ADAMTS9: variants seen among roughly 807,000 people sequenced by gnomAD.
ADAMTS9 encodes A disintegrin and metalloproteinase with thrombospondin motifs 9.
In ADAMTS9, 107 loss-of-function variants were observed where a neutral mutation model predicts 257.1. The ratio of observed to expected loss-of-function variants is 0.42; its 90% confidence interval spans 0.36 to 0.49. The LOEUF is 0.49. Ranked by LOEUF, ADAMTS9 falls within the 20% of genes least tolerant of loss-of-function variation. The probability of loss-of-function intolerance (pLI) is 0.03; values close to 1 mark genes in which losing one functional copy is unlikely to be tolerated. For missense variants in ADAMTS9, 2,353 were observed against 2,469.1 expected, an observed-to-expected ratio of 0.95 and a Z score of 1.00; for synonymous variants, 982 against 880.9, an observed-to-expected ratio of 1.11 and a Z score of -2.03.
Position 64,633,746 on chromosome 3 carries a change from T to C in ADAMTS9, c.1990A>G (p.Ile664Val). 1 of 1,613,800 alleles carries C rather than the reference T, an allele frequency of 6.2e-7. No individual in the cohort carries two copies. The highest frequency in any genetic ancestry group is 8.5e-7 in the Non-Finnish European group (1 of 1,179,984). The change falls in exon 13 of 40, where the codon ATC becomes GTC. Residue 664 changes from isoleucine to valine, a missense_variant. Ile to Val is a conservative substitution (Grantham distance 29). Coordinates refer to ENST00000498707, the MANE Select transcript of ADAMTS9 (RefSeq NM_182920.2). ...CAHFDGKHFNINGLLPNVRWV... is the reference protein window; with the variant it reads ...CAHFDGKHFNVNGLLPNVRWV... ...CGCACATTGGGAAGCAGACCGTTGA[T>C]GTTAAAATGCTTCCCGTCAAAGTGA... is the stretch of plus-strand genomic sequence containing the variant.
intron 3 of ADAMTS9, among the ~76,000 whole-genome samples, chr3:64,665,840 G>A (rs1245080480): frequency 6.6e-6 from 1 of 152,160 alleles, no homozygotes; most frequent in Non-Finnish European, 1.5e-5. Flanking sequence ...TCAGTTTCCT[G>A]ACCTTTAAAT....
At chr3:64,620,942 T>C (rs1252731672) in intron 19 of ADAMTS9, among the ~76,000 whole-genome samples, 172 bp downstream of exon 19, 1 of 152,242 alleles carries the variant, frequency 6.6e-6, no homozygotes, top group Non-Finnish European at 1.5e-5. Flanking sequence ...TGCACATGTA[T>C]GTCTTGGATA....
intron 19 of ADAMTS9, among the ~76,000 whole-genome samples, chr3:64,618,715 TTTATTA>T (rs1279473276): frequency 1.3e-5 from 2 of 152,176 alleles, no homozygotes; most frequent in East Asian, 1.9e-4. Flanking sequence ...CCTGTTATAA[TTTATTA>T]TTATTATTAT....
At chr3:64,545,528 T>C (rs1009504083) in intron 32 of ADAMTS9, among the ~76,000 whole-genome samples, 17 of 152,124 alleles carry the variant, frequency 1.1e-4, no homozygotes, top group South Asian at 4.2e-4. Context: ...AAACACTGCA[T>C]GTTCTCACTC....
At chr3:64,542,553 G>A (rs1465365541) in intron 32 of ADAMTS9, among the ~76,000 whole-genome samples, 2 of 150,892 alleles carry the variant, frequency 1.3e-5, no homozygotes, top group Non-Finnish European at 2.9e-5. Flanking sequence ...TCAGACTCCC[G>A]AGTATCTGGG....
chr3:64,562,877 A>G (rs552437854), intron 29 of ADAMTS9: 3 of 152,348 alleles, frequency 2.0e-5, no homozygotes, highest in African/African-American at 7.2e-5. Context: ...ATTCTGCTGA[A>G]TGGTAATTTT....
At chr3:64,528,827 T>G (rs886555457) in intron 38 of ADAMTS9, among the ~76,000 whole-genome samples, 4 of 152,236 alleles carry the variant, frequency 2.6e-5, no homozygotes, top group African/African-American at 4.8e-5. Flanking sequence ...AAGGGGCCAC[T>G]ACAGTCCCCA....
chr3:64,642,079 T>C, intron 11 of ADAMTS9, 86 bp from the exon 12 acceptor site: 1 of 1,443,156 alleles, frequency 6.9e-7, no homozygotes, highest in South Asian at 1.3e-5. Context: ...CACCATACTG[T>C]AATTCTTTTC....
Position 64,658,735 on chromosome 3 carries a change from C to T in ADAMTS9, c.736G>A (p.Glu246Lys). The change falls in exon 4 of 40, where the codon GAA (glutamate) becomes AAA (lysine). Residue 246 changes from glutamate to lysine, a missense_variant. Transcript: ENST00000498707. ...ACGTCACCAGCCAGGTTAATCCTTTCTCCCCATTTTCTTGCTCTGGTTTTC... is the reference window on the plus strand; with the variant it reads ...ACGTCACCAGCCAGGTTAATCCTTTTTCCCCATTTTCTTGCTCTGGTTTTC... ...KKKTRARKWGERINLAGDVAA... is the reference protein window; with the variant it reads ...KKKTRARKWGKRINLAGDVAA... 6.2e-7 allele frequency: 1 copy of T among 1,614,220 alleles called. No homozygotes were observed. The highest frequency in any genetic ancestry group is 8.5e-7 in the Non-Finnish European group (1 of 1,180,048).
At chr3:64,636,141 TG>T (rs1305571749) in intron 12 of ADAMTS9, among the ~76,000 whole-genome samples, 5 of 152,202 alleles carry the variant, frequency 3.3e-5, no homozygotes, top group African/African-American at 1.2e-4. Flanking sequence ...ATTTATCAAA[TG>T]CAGCAGTTCT....
intron 28 of ADAMTS9, among the ~76,000 whole-genome samples, chr3:64,573,327 T>A (rs2083746681): frequency 6.6e-6 from 1 of 152,024 alleles, no homozygotes; most frequent in African/African-American, 2.4e-5. Context: ...AAATATGAAA[T>A]GGGGGTGCTG....
rs890998114 is a variant in ADAMTS9, at chr3:64,638,900, A to G, written c.1856+2948T>C. ...AGAAAAAAAAAATCCAGTGTCCTTA[A>G]TAGAGACATACCTTGTACCTTGGAT... is the stretch of plus-strand genomic sequence containing the variant. On this transcript the variant is annotated intron_variant, in intron 12 of 39. Transcript: ENST00000498707. Among the ~76,000 whole-genome samples the G allele has an allele frequency of 3.9e-5, 6 of 152,202 alleles. No individual in the cohort carries two copies. The East Asian group carries it at 1.2e-3, about 29-fold the overall frequency.
At chr3:64,540,657 A>G (rs1017986829) in intron 36 of ADAMTS9, among the ~76,000 whole-genome samples, 2 of 152,144 alleles carry the variant, frequency 1.3e-5, no homozygotes, top group East Asian at 1.9e-4. Flanking sequence ...TTCTGCTACC[A>G]GCTCTGCTTC....
At chr3:64,547,001 A>T in intron 31 of ADAMTS9, 49 bp from the exon 32 acceptor site, 1 of 1,526,238 alleles carries the variant, frequency 6.6e-7, no homozygotes, top group Non-Finnish European at 8.9e-7. Flanking sequence ...TCCTGGGGGC[A>T]GCCCACAATA....
chr3:64,548,204 G>A (rs2083226972), intron 31 of ADAMTS9, among the ~76,000 whole-genome samples: 1 of 152,132 alleles, frequency 6.6e-6, no homozygotes, highest in Admixed American at 6.5e-5. Context: ...AACTTTTCCA[G>A]GGAAAAGGCT....
At chr3:64,517,952 A>T (rs1313238124) in intron 39 of ADAMTS9, among the ~76,000 whole-genome samples, 1 of 152,146 alleles carries the variant, frequency 6.6e-6, no homozygotes, top group Non-Finnish European at 1.5e-5. Flanking sequence ...AGGTGGGTAC[A>T]TGATCTCAGA....
intron 38 of ADAMTS9, among the ~76,000 whole-genome samples, chr3:64,531,172 G>C (rs1227415796): frequency 6.6e-6 from 1 of 152,078 alleles, no homozygotes; most frequent in Non-Finnish European, 1.5e-5. Context: ...TTTTTTCACA[G>C]ACACAAACTT....
chr3:64,588,392 CA>C lies in ADAMTS9; in HGVS notation c.4356+5865del, dbSNP rs1196828565. The C allele has an allele frequency of 2.0e-5, 3 of 151,880 alleles. No homozygotes were observed. In the East Asian group the frequency reaches 5.8e-4, roughly 29 times the overall value. The allele number at this position is 151,880 out of a possible 1,614,324, so 9.4% of individuals were successfully genotyped here. A position where few individuals can be genotyped will look rare whatever the true frequency, so the allele number is the denominator to read the frequency against. ...GGAACAGTCCCTGGCCTACAATAGGCACTTAGAAAGTATTTGTTAAAAATTG... is the reference window on the plus strand; with the variant it reads ...GGAACAGTCCCTGGCCTACAATAGGCCTTAGAAAGTATTTGTTAAAAATTG... On this transcript the variant is annotated intron_variant, in intron 28 of 39. Transcript: ENST00000498707.
intron 35 of ADAMTS9, 25 bp downstream of exon 35, chr3:64,541,295 G>A (rs757298352): frequency 6.2e-7 from 1 of 1,614,028 alleles, no homozygotes; most frequent in South Asian, 1.1e-5. Context: ...AGGCCTCTGA[G>A]ATCTTCTGAG....
Sources: gnomAD v4.1 joint callset for allele counts (sites outside exome capture counted in the v4.1 genomes callset) on GRCh38, gnomAD v4.1.1 for gene constraint, MANE v1.5 for transcripts, NCBI Gene and HGNC (gene_info 2026-07-23, HGNC 2026-07-21) for gene names.